FEM1B: variants seen among roughly 807,000 people sequenced by gnomAD.
FEM1B encodes the protein protein fem-1 homolog B.
In FEM1B, 10 loss-of-function variants were observed where a neutral mutation model predicts 38.6. The ratio of observed to expected loss-of-function variants is 0.26; its 90% confidence interval spans 0.16 to 0.44. The LOEUF is 0.44. Ranked by LOEUF, FEM1B falls within the 20% of genes least tolerant of loss-of-function variation. FEM1B has a pLI of 1.00. For missense variants in FEM1B, 471 were observed against 786.7 expected, an observed-to-expected ratio of 0.60 and a Z score of 4.80; for synonymous variants, 288 against 288.0, an observed-to-expected ratio of 1.00 and a Z score of 0.00.
rs1247329575 is a variant in FEM1B at position 68,288,913 on chromosome 15, C to T, written c.249-694C>T. On this transcript the variant is annotated intron_variant, in intron 1 of 1. Coordinates refer to ENST00000306917, the MANE Select transcript of FEM1B (RefSeq NM_015322.5). This position sits in a 1 kb window ranked among gnomAD's most constrained non-coding sequence, Gnocchi z 4.6. ...CTAGAGTCCCCTTTGTGCTTTCTCC[C>T]ATTTCACTACCTCTCCCCAAAAGTA... Among the ~76,000 whole-genome samples, 1 of 152,140 alleles carries T rather than the reference C, an allele frequency of 6.6e-6. No homozygotes were observed. Among genetic ancestry groups the T allele is most frequent in the East Asian group, 1.9e-4 (1 of 5,202 alleles).
Position 68,278,510 on chromosome 15 carries a change from C to T in FEM1B, c.93C>T (p.Asp31=), listed in dbSNP as rs2140240687. 6.2e-7 allele frequency: 1 copy of T among 1,614,072 alleles called. No individual in the cohort carries two copies. The highest frequency in any genetic ancestry group is 8.5e-7 in the Non-Finnish European group (1 of 1,180,032). The change falls in exon 1 of 2, where the codon GAC becomes GAT. Residue 31 remains aspartate (D), a synonymous_variant. Coordinates refer to ENST00000306917, the MANE Select transcript of FEM1B (RefSeq NM_015322.5). This position sits in a 1 kb window ranked among gnomAD's most constrained non-coding sequence, Gnocchi z 5.7. ...TGCTTCTCAACCGGTCTGAAAGCGA[C>T]ATCCGCTATCTGCTTGGCTATGTCA... The part of the protein sequence containing the change: ...AALLLNRSES[D]IRYLLGYVSQ...
rs955269458 is a variant in FEM1B at position 68,294,584 on chromosome 15, G to T, written c.*3342G>T. ...ACCACTTTGGGTTATTTAAGCAGAA[G>T]CGTTTCTTTTTTTTTTTTGGAATGG... On this transcript the variant is annotated 3_prime_UTR_variant, in exon 2 of 2. Transcript: ENST00000306917. The surrounding 1 kb of genome is among the most constrained non-coding windows in gnomAD (Gnocchi z 4.4). 1 of 151,562 alleles carries T rather than the reference G, an allele frequency of 6.6e-6. No homozygotes were observed. The highest frequency in any genetic ancestry group is 1.5e-5 in the Non-Finnish European group (1 of 67,972). 9.4% of individuals were successfully genotyped at this position (151,562 alleles called of 1,614,324 possible).
intron 1 of FEM1B, among the ~76,000 whole-genome samples, chr15:68,286,944 A>G (rs917882057): frequency 1.3e-5 from 2 of 152,154 alleles, no homozygotes; most frequent in African/African-American, 2.4e-5. Context: ...CTGGATTGCA[A>G]TGGTGCAATC....
In FEM1B at chr15:68,288,692, CA is replaced by C. The variant is rs1892814917; in HGVS notation, c.249-911del. ...CAGAGAAGATATCTGCTTGGTTTTCCAAAAGTGCTAATTATTTCCTGCTGTT... is the reference window on the plus strand; with the variant it reads ...CAGAGAAGATATCTGCTTGGTTTTCCAAAGTGCTAATTATTTCCTGCTGTT... On this transcript the variant is annotated intron_variant, in intron 1 of 1. Coordinates refer to ENST00000306917, the MANE Select transcript of FEM1B (RefSeq NM_015322.5). This position sits in a 1 kb window ranked among gnomAD's most constrained non-coding sequence, Gnocchi z 4.6. Among the ~76,000 whole-genome samples, 1 of 152,078 alleles carries C rather than the reference CA, an allele frequency of 6.6e-6. No individual in the cohort carries two copies. Among genetic ancestry groups the C allele is most frequent in the Non-Finnish European group, 1.5e-5 (1 of 68,012 alleles).
In FEM1B at chr15:68,289,804, T is replaced by A; in HGVS notation, c.446T>A (p.Ile149Asn). The change falls in exon 2 of 2, where the codon ATT (isoleucine) becomes AAT (asparagine). Residue 149 changes from isoleucine (I) to asparagine (N), a missense_variant. Coordinates refer to ENST00000306917, the MANE Select transcript of FEM1B (RefSeq NM_015322.5). The surrounding 1 kb of genome is among the most constrained non-coding windows in gnomAD (Gnocchi z 6.9). Reference protein sequence around the residue: ...YLVENNANISIANKYDNTCLM... With the variant: ...YLVENNANISNANKYDNTCLM... Reference sequence around the variant, plus strand: ...GTTGAAAATAATGCCAACATCAGCATTGCCAACAAATATGACAACACCTGC... The same window carrying A: ...GTTGAAAATAATGCCAACATCAGCAATGCCAACAAATATGACAACACCTGC... The A allele has an allele frequency of 6.2e-7, 1 of 1,614,198 alleles. No individual in the cohort carries two copies. Among genetic ancestry groups the A allele is most frequent in the East Asian group, 2.2e-5 (1 of 44,886 alleles).
chr15:68,291,378 C>G lies in FEM1B; in HGVS notation c.*136C>G. 1 of 654,162 alleles carries G rather than the reference C, an allele frequency of 1.5e-6. No homozygotes were observed. Among genetic ancestry groups the G allele is most frequent in the Non-Finnish European group, 2.5e-6 (1 of 396,704 alleles). 40.5% of individuals were successfully genotyped at this position (654,162 alleles called of 1,614,324 possible). A position where few individuals can be genotyped will look rare whatever the true frequency, so the allele number is the denominator to read the frequency against. ...CCTCCCATCCCATCCTTCCTTAGTT[C>G]TGTATTTGTTTTTCTTGCCTCATGG... On this transcript the variant is annotated 3_prime_UTR_variant, in exon 2 of 2. Coordinates refer to ENST00000306917, the MANE Select transcript of FEM1B (RefSeq NM_015322.5). The surrounding 1 kb of genome is among the most constrained non-coding windows in gnomAD (Gnocchi z 6.9).
At position 68,280,909 on chromosome 15, in the gene FEM1B, T is replaced by C. The variant is rs1377449851; in HGVS notation, c.248+2244T>C. 6.6e-6 allele frequency among the ~76,000 whole-genome samples: 1 copy of C among 152,238 alleles called. No individual in the cohort carries two copies. Among genetic ancestry groups the C allele is most frequent in the African/African-American group, 2.4e-5 (1 of 41,466 alleles). ...TTAAATGCTTGTGATGGGCCTAGCC[T>C]GTGTCATGTTCTGGAGGAAATGTAA... is the stretch of plus-strand genomic sequence containing the variant. On this transcript the variant is annotated intron_variant, in intron 1 of 1. Transcript: ENST00000306917. This position sits in a 1 kb window ranked among gnomAD's most constrained non-coding sequence, Gnocchi z 4.2.
Position 68,284,295 on chromosome 15 carries a change from G to T in FEM1B, c.249-5312G>T, listed in dbSNP as rs1459024944. ...ACCTACCTCACAGGATTATTGTGAAGATTAAGTGAGATATTTTGCATATTC... is the reference window on the plus strand; with the variant it reads ...ACCTACCTCACAGGATTATTGTGAATATTAAGTGAGATATTTTGCATATTC... On this transcript the variant is annotated intron_variant, in intron 1 of 1. Transcript: ENST00000306917. The surrounding 1 kb of genome is among the most constrained non-coding windows in gnomAD (Gnocchi z 4.4). Among the ~76,000 whole-genome samples, 1 of 152,116 alleles carries T rather than the reference G, an allele frequency of 6.6e-6. No homozygotes were observed. The highest frequency in any genetic ancestry group is 6.6e-5 in the Admixed American group (1 of 15,246).
Position 68,277,975 on chromosome 15 carries a change from C to G in FEM1B, c.-443C>G, listed in dbSNP as rs1423120904. 5.6e-6 allele frequency: 1 copy of G among 178,080 alleles called. No individual in the cohort carries two copies. The highest frequency in any genetic ancestry group is 1.2e-5 in the Non-Finnish European group (1 of 85,468). 11.0% of individuals were successfully genotyped at this position (178,080 alleles called of 1,614,324 possible). A position where few individuals can be genotyped will look rare whatever the true frequency, so the allele number is the denominator to read the frequency against. ...GAGGAGGCAGTGTTAGGCCTTAGGC[C>G]GGGTGGGCCGGGTCAGGAGAGACGC... On this transcript the variant is annotated 5_prime_UTR_variant, in exon 1 of 2. Transcript: ENST00000306917.
intron 1 of FEM1B, among the ~76,000 whole-genome samples, chr15:68,287,951 AG>A (rs1395203581): frequency 6.7e-6 from 1 of 148,940 alleles, no homozygotes; most frequent in Non-Finnish European, 1.5e-5. Context: ...CTCTTGCCTC[AG>A]GCTCCTATCT....
intron 1 of FEM1B, among the ~76,000 whole-genome samples, chr15:68,287,556 T>A (rs1567113821): frequency 6.6e-6 from 1 of 152,252 alleles, no homozygotes; most frequent in East Asian, 1.9e-4. Context: ...GTAGAAGTGA[T>A]AAAGGGTATT....
Position 68,290,629 on chromosome 15 carries a change from G to C in FEM1B, c.1271G>C (p.Arg424Thr). The part of the protein sequence containing the change: ...SVLEIEQSMN[R>T]VKNISDADVH... ...TTGGAAATAGAACAAAGTATGAACA[G>C]AGTGAAAAATATTTCAGATGCTGAT... The change falls in exon 2 of 2, where the codon AGA (arginine) becomes ACA (threonine). Residue 424 changes from arginine to threonine, a missense_variant. This residue lies in a region of FEM1B where 380 missense variants were observed against 599.6 expected (regional missense o/e 0.63). Transcript: ENST00000306917. The surrounding 1 kb of genome is among the most constrained non-coding windows in gnomAD (Gnocchi z 9.7). 3 of 1,614,172 alleles carry C rather than the reference G, an allele frequency of 1.9e-6. No homozygotes were observed. The highest frequency in any genetic ancestry group is 2.5e-6 in the Non-Finnish European group (3 of 1,179,996).
At chr15:68,286,849 C>G (rs1369000742) in intron 1 of FEM1B, among the ~76,000 whole-genome samples, 3 of 148,874 alleles carry the variant, frequency 2.0e-5, no homozygotes, top group Admixed American at 6.6e-5. Context: ...GTTTGCAAAA[C>G]ATATAGTTGG....
At position 68,291,906 on chromosome 15, in the gene FEM1B, C is replaced by T. The variant is rs1451252147; in HGVS notation, c.*664C>T. The T allele has an allele frequency of 6.6e-6, 1 of 152,184 alleles. No homozygotes were observed. The highest frequency in any genetic ancestry group is 1.5e-5 in the Non-Finnish European group (1 of 68,012). 9.4% of individuals were successfully genotyped at this position (152,184 alleles called of 1,614,324 possible). Reference sequence around the variant, plus strand: ...TGGGTAGTATATACAAAATGGTTATCATCTTAAACCAACTTTTCAGAGAAT... The same window carrying T: ...TGGGTAGTATATACAAAATGGTTATTATCTTAAACCAACTTTTCAGAGAAT... On this transcript the variant is annotated 3_prime_UTR_variant, in exon 2 of 2. Transcript: ENST00000306917. The surrounding 1 kb of genome is among the most constrained non-coding windows in gnomAD (Gnocchi z 6.9).
At chr15:68,283,726 T>TA (rs949704639) in intron 1 of FEM1B, among the ~76,000 whole-genome samples, 5 of 152,104 alleles carry the variant, frequency 3.3e-5, no homozygotes, top group African/African-American at 9.7e-5. Flanking sequence ...ATGTAATTGT[T>TA]ACTATGTATT....
At chr15:68,287,527 TATAAA>T (rs1489794788) in intron 1 of FEM1B, among the ~76,000 whole-genome samples, 2 of 152,246 alleles carry the variant, frequency 1.3e-5, no homozygotes, top group Admixed American at 6.5e-5. Context: ...CTTAAATTAT[TATAAA>T]ATGAGTATTT....
At position 68,294,695 on chromosome 15, in the gene FEM1B, G is replaced by A. The variant is rs974059861; in HGVS notation, c.*3453G>A. On this transcript the variant is annotated 3_prime_UTR_variant, in exon 2 of 2. Coordinates refer to ENST00000306917, the MANE Select transcript of FEM1B (RefSeq NM_015322.5). This position sits in a 1 kb window ranked among gnomAD's most constrained non-coding sequence, Gnocchi z 4.4. The stretch of plus-strand genomic sequence containing the variant: ...TGGCTGAATTAGTGAGTAAATGAAT[G>A]AAAGTATAAAGGACTTGTTTTTTAT... The A allele has an allele frequency of 3.3e-5, 5 of 151,902 alleles. No homozygotes were observed. The highest frequency in any genetic ancestry group is 1.5e-5 in the Non-Finnish European group (1 of 67,990). The allele number at this position is 151,902 out of a possible 1,614,324, so 9.4% of individuals were successfully genotyped here. A position where few individuals can be genotyped will look rare whatever the true frequency, so the allele number is the denominator to read the frequency against.
chr15:68,278,887 C>G lies in FEM1B; in HGVS notation c.248+222C>G, dbSNP rs1005576328. On this transcript the variant is annotated intron_variant, in intron 1 of 1. Transcript: ENST00000306917. This position sits in a 1 kb window ranked among gnomAD's most constrained non-coding sequence, Gnocchi z 5.7. ...CATCAGCCCCTACCCCTCATTCCCT[C>G]TGTGGGAAGATAACCACACCCTCGG... 3.3e-5 allele frequency among the ~76,000 whole-genome samples: 5 copies of G among 152,186 alleles called. No homozygotes were observed. The highest frequency in any genetic ancestry group is 7.3e-5 in the Non-Finnish European group (5 of 68,040).
rs1595841581 is a variant in FEM1B, at chr15:68,289,963, T to C, written c.605T>C (p.Ile202Thr). 1 of 1,614,162 alleles carries C rather than the reference T, an allele frequency of 6.2e-7. No individual in the cohort carries two copies. The highest frequency in any genetic ancestry group is 1.3e-5 in the African/African-American group (1 of 75,056). Reference protein sequence around the residue: ...HFAAEAGHIDIVKELIKWRAA... With the variant: ...HFAAEAGHIDTVKELIKWRAA... ...GCAGCTGAAGCTGGGCACATAGATATTGTGAAAGAGCTGATAAAATGGCGT... is the reference window on the plus strand; with the variant it reads ...GCAGCTGAAGCTGGGCACATAGATACTGTGAAAGAGCTGATAAAATGGCGT... The change falls in exon 2 of 2, where the codon ATT (isoleucine) becomes ACT (threonine). Residue 202 changes from isoleucine to threonine, a missense_variant. Transcript: ENST00000306917. This position sits in a 1 kb window ranked among gnomAD's most constrained non-coding sequence, Gnocchi z 6.9.
Sources: allele counts gnomAD v4.1 joint callset (sites outside exome capture counted in the v4.1 genomes callset), GRCh38; gene constraint gnomAD v4.1.1; regional missense constraint gnomAD v4.1.1; non-coding constraint Gnocchi (gnomAD v3.1); transcripts MANE v1.5; gene names NCBI Gene and HGNC (gene_info 2026-07-23, HGNC 2026-07-21).